Variants in TRIM24 observed in about 807,000 individuals in gnomAD.
TRIM24 encodes the protein tripartite motif containing 24.
TRIM24 carries 29 observed loss-of-function variants against 123.9 expected under a neutral mutation model. The observed-to-expected ratio is 0.23, with a 90% CI of 0.17 to 0.32. The LOEUF is 0.32. Among genes scored for constraint, TRIM24 ranks in the 10% least tolerant of loss-of-function variants. TRIM24 has a pLI of 1.00. For synonymous variants in TRIM24, 456 were observed against 461.1 expected, an observed-to-expected ratio of 0.99 and a Z score of 0.14; for missense variants, 932 against 1,295.3, an observed-to-expected ratio of 0.72 and a Z score of 4.31.
chr7:138,589,279 T>TGA lies in TRIM24; in HGVS notation c.*4332_*4333dup, dbSNP rs1285453444. ...TTTTCTCCATGAAGGTTTTACTTAT[T>TGA]GAGAGGGACATCTGAGGCAGTAGTC... On this transcript the variant is annotated 3_prime_UTR_variant, in exon 19 of 19. Coordinates refer to ENST00000343526, the MANE Select transcript of TRIM24 (RefSeq NM_015905.3). 1 of 152,220 alleles carries TGA rather than the reference T, an allele frequency of 6.6e-6. No homozygotes were observed. Among genetic ancestry groups the TGA allele is most frequent in the Admixed American group, 6.5e-5 (1 of 15,286 alleles). The allele number at this position is 152,220 out of a possible 1,614,324, so 9.4% of individuals were successfully genotyped here.
At chr7:138,496,379 C>T (rs1011723630) in intron 1 of TRIM24, among the ~76,000 whole-genome samples, 22 of 152,276 alleles carry the variant, frequency 1.4e-4, no homozygotes, top group Admixed American at 1.4e-3. Flanking sequence ...ATCACATCAC[C>T]TGTGAATATA....
chr7:138,524,028 C>T (rs1254260450), intron 4 of TRIM24, among the ~76,000 whole-genome samples: 1 of 152,002 alleles, frequency 6.6e-6, no homozygotes, highest in Non-Finnish European at 1.5e-5. Flanking sequence ...GTAATCACAA[C>T]CAATTTGGCC....
At position 138,551,122 on chromosome 7, in the gene TRIM24, C is replaced by T. The variant is rs769616386; in HGVS notation, c.1203C>T (p.Asn401=). 22 of 1,613,822 alleles carry T rather than the reference C, an allele frequency of 1.4e-5. No individual in the cohort carries two copies. In the Admixed American group the frequency reaches 3.5e-4, roughly 26 times the overall value. ...RARCDASPVT[N]NTIQFHCDPS... ...GGTGTGATGCATCCCCAGTGACCAACAACACCATCCAATTTCACTGTGATC... is the reference window on the plus strand; with the variant it reads ...GGTGTGATGCATCCCCAGTGACCAATAACACCATCCAATTTCACTGTGATC... The change falls in exon 8 of 19, where the codon AAC becomes AAT. Residue 401 remains asparagine (N), a synonymous_variant. Coordinates refer to ENST00000343526, the MANE Select transcript of TRIM24 (RefSeq NM_015905.3).
At chr7:138,509,799 TCA>T (rs1454536943) in intron 2 of TRIM24, among the ~76,000 whole-genome samples, 1 of 151,396 alleles carries the variant, frequency 6.6e-6, no homozygotes, top group East Asian at 1.9e-4. Flanking sequence ...TCTTAAAGTA[TCA>T]CAGAGGTAGC....
At chr7:138,539,533 A>G (rs981917473) in intron 7 of TRIM24, among the ~76,000 whole-genome samples, 1 of 152,140 alleles carries the variant, frequency 6.6e-6, no homozygotes, top group African/African-American at 2.4e-5. Flanking sequence ...ACAAAGATAT[A>G]GAAGACATTT....
At chr7:138,499,026 C>T (rs183939515) in intron 1 of TRIM24, among the ~76,000 whole-genome samples, 1 of 152,054 alleles carries the variant, frequency 6.6e-6, no homozygotes, top group Admixed American at 6.5e-5. Context: ...GTCTACTGCT[C>T]TATTGATTTC....
At chr7:138,472,058 GAGAT>G (rs1177230517) in intron 1 of TRIM24, among the ~76,000 whole-genome samples, 1 of 152,124 alleles carries the variant, frequency 6.6e-6, no homozygotes, top group African/African-American at 2.4e-5. Flanking sequence ...TATAGGTGGA[GAGAT>G]AGATAGTGAA....
At chr7:138,507,736 C>A (rs1029878220) in intron 2 of TRIM24, among the ~76,000 whole-genome samples, 4 of 151,984 alleles carry the variant, frequency 2.6e-5, no homozygotes, top group Non-Finnish European at 5.9e-5. Flanking sequence ...CATGGTGAAA[C>A]CCTGTCTGAG....
rs777534446 is a variant in TRIM24 at position 138,561,662 on chromosome 7, ATG to A, written c.1531-5818_1531-5817del. 2.4e-3 allele frequency among the ~76,000 whole-genome samples: 370 copies of A among 152,284 alleles called. 4 individuals are homozygous for A. Among genetic ancestry groups the A allele is most frequent in the Middle Eastern group, 3.4e-3 (1 of 294 alleles). ...ACAGAATCCAGTTGCTTGGATAATT[ATG>A]CTACCGGGCCATGCCATGATCCTAT... On this transcript the variant is annotated intron_variant, in intron 9 of 18. Transcript: ENST00000343526.
chr7:138,476,166 A>G (rs933122674), intron 1 of TRIM24, among the ~76,000 whole-genome samples: 11 of 152,234 alleles, frequency 7.2e-5, no homozygotes, highest in African/African-American at 2.7e-4. Flanking sequence ...CAGTAAGGCT[A>G]TTGAGGACCT....
intron 2 of TRIM24, among the ~76,000 whole-genome samples, chr7:138,513,287 T>C (rs183379365): frequency 6.6e-6 from 1 of 152,338 alleles, no homozygotes; most frequent in Non-Finnish European, 1.5e-5. Context: ...TGTTTGAAAT[T>C]CTGCCCATTA....
chr7:138,461,289 A>C, intron 1 of TRIM24: 1 of 552,334 alleles, frequency 1.8e-6, no homozygotes. Context: ...CTGCCTCCAC[A>C]AAGCTTTGTC....
At chr7:138,580,743 T>G in intron 16 of TRIM24, 49 bp downstream of exon 16, 1 of 1,533,498 alleles carries the variant, frequency 6.5e-7, no homozygotes, top group Non-Finnish European at 8.8e-7. Flanking sequence ...AATATTGTAC[T>G]GTGGTACCTT....
intron 7 of TRIM24, among the ~76,000 whole-genome samples, chr7:138,545,973 A>C (rs1005472835): frequency 5.3e-5 from 8 of 152,252 alleles, no homozygotes; most frequent in Admixed American, 2.0e-4. Flanking sequence ...CAAAACTAAA[A>C]GTTATAGAAA....
rs180775056 is a variant in TRIM24, at chr7:138,481,963, C to T, written c.364+21051C>T. Among the ~76,000 whole-genome samples, 296 of 152,220 alleles carry T rather than the reference C, an allele frequency of 1.9e-3. 2 individuals carry two copies. Among genetic ancestry groups the T allele is most frequent in the South Asian group, 0.01 (50 of 4,814 alleles). ...CTACCTGCTATCCAAGCCCCATTAG[C>T]GGAAAATAGTACCATTCTTTTCCCA... On this transcript the variant is annotated intron_variant, in intron 1 of 18. Coordinates refer to ENST00000343526, the MANE Select transcript of TRIM24 (RefSeq NM_015905.3).
In TRIM24 at chr7:138,535,553, TTC is replaced by T. The variant is rs1362550257; in HGVS notation, c.997-3102_997-3101del. On this transcript the variant is annotated intron_variant, in intron 6 of 18. Coordinates refer to ENST00000343526, the MANE Select transcript of TRIM24 (RefSeq NM_015905.3). The stretch of plus-strand genomic sequence containing the variant: ...CTGTTGAATATTGGCCCCTACTCTC[TTC>T]TGTCTTGTAGAGTTTCTGCCGAGAG... Among the ~76,000 whole-genome samples the T allele has an allele frequency of 2.2e-3, 331 of 152,348 alleles. 1 individual carries two copies. Among genetic ancestry groups the T allele is most frequent in the Middle Eastern group, 0.014 (4 of 294 alleles).
chr7:138,471,665 C>G (rs1286106789), intron 1 of TRIM24, among the ~76,000 whole-genome samples: 2 of 152,012 alleles, frequency 1.3e-5, no homozygotes, highest in Non-Finnish European at 2.9e-5. Flanking sequence ...CTCAGCCTCC[C>G]CAACAGCTGG....
chr7:138,499,755 C>T (rs1795995010), intron 1 of TRIM24, among the ~76,000 whole-genome samples: 1 of 151,762 alleles, frequency 6.6e-6, no homozygotes, highest in Non-Finnish European at 1.5e-5. Context: ...CAACCTGGAG[C>T]ACTGCCCTGT....
chr7:138,495,998 C>T (rs1795897877), intron 1 of TRIM24, among the ~76,000 whole-genome samples: 1 of 152,206 alleles, frequency 6.6e-6, no homozygotes, highest in South Asian at 2.1e-4. Flanking sequence ...ATTACTGTAG[C>T]TCTATCCATA....
Sources: gnomAD v4.1 joint callset for allele counts (sites outside exome capture counted in the v4.1 genomes callset) on GRCh38, gnomAD v4.1.1 for gene constraint, MANE v1.5 for transcripts, NCBI Gene and HGNC (gene_info 2026-07-23, HGNC 2026-07-21) for gene names.